The following GTSE1 variants were observed in gnomAD, a reference collection of about 807,000 sequenced individuals.
GTSE1 encodes the protein G2 and S-phase expressed 1.
GTSE1 carries 52 observed loss-of-function variants against 60.5 expected under a neutral mutation model. The ratio of observed to expected loss-of-function variants is 0.86; its 90% confidence interval spans 0.69 to 1.08. GTSE1 has a LOEUF of 1.08. Ranked by LOEUF, GTSE1 falls within the 50% of genes least tolerant of loss-of-function variation. The pLI is 0.00. For missense variants in GTSE1, 937 were observed against 961.8 expected (o/e 0.97, Z 0.34); for synonymous variants, 368 against 386.5 (o/e 0.95, Z 0.56).
chr22:46,300,003 C>T (rs1458752334), intron 2 of GTSE1, among the ~76,000 whole-genome samples: 1 of 133,954 alleles, frequency 7.5e-6, no homozygotes, highest in Non-Finnish European at 1.6e-5. Flanking sequence ...TGGGGTTTCA[C>T]TGTGTTAGCC....
Position 46,315,205 on chromosome 22 carries a change from C to G in GTSE1, c.1052-827C>G, listed in dbSNP as rs539561552. ...TCCCAAGTAGCTGGGACTACAGGCA[C>G]CTGCCACCACGCCCGGCTAATTTTT... is the stretch of plus-strand genomic sequence containing the variant. On this transcript the variant is annotated intron_variant, in intron 6 of 11. Transcript: ENST00000454366. Among the ~76,000 whole-genome samples, 4 of 152,252 alleles carry G rather than the reference C, an allele frequency of 2.6e-5. No homozygotes were observed. In the South Asian group the frequency reaches 8.3e-4, roughly 32 times the overall value.
At chr22:46,326,812 A>G (rs1659757754) in intron 9 of GTSE1, 158 bp downstream of exon 9, 5 of 575,204 alleles carry the variant, frequency 8.7e-6, no homozygotes, top group Middle Eastern at 3.4e-4. Flanking sequence ...AGAAAATGCA[A>G]TAGACATGAG....
chr22:46,326,307 C>T (rs1164901513), intron 8 of GTSE1, 129 bp from the exon 9 acceptor site: 13 of 706,446 alleles, frequency 1.8e-5, no homozygotes, highest in Admixed American at 3.4e-5. Context: ...GGAGCTCACA[C>T]GGGCTCCCTG....
Position 46,329,194 on chromosome 22 carries a change from G to A in GTSE1, c.1927-164G>A. The A allele has an allele frequency of 7.1e-6, 5 of 703,344 alleles. No homozygotes were observed. The highest frequency in any genetic ancestry group is 8.0e-4 in the Middle Eastern group (2 of 2,514). 43.6% of individuals were successfully genotyped at this position (703,344 alleles called of 1,614,324 possible). The stretch of plus-strand genomic sequence containing the variant: ...CAGGGAGGTGGGCAACAGTCAGAGA[G>A]GCACGGCCCACCCCATACAGAGCCT... On this transcript the variant is annotated intron_variant, in intron 10 of 11. Transcript: ENST00000454366. The surrounding 1 kb of genome is among the most constrained non-coding windows in gnomAD (Gnocchi z 6.4).
In GTSE1 at chr22:46,309,774, C is replaced by T. The variant is rs114118276; in HGVS notation, c.762+831C>T. ...ACTGCCCTTGACAAGGAGGTATGCC[C>T]GGCACTGCCACCCCCAACAGCTGGG... On this transcript the variant is annotated intron_variant, in intron 4 of 11. Transcript: ENST00000454366. This position sits in a 1 kb window ranked among gnomAD's most constrained non-coding sequence, Gnocchi z 6.2. 0.014 allele frequency among the ~76,000 whole-genome samples: 2,205 copies of T among 152,264 alleles called. 47 individuals carry two copies. Among genetic ancestry groups the T allele is most frequent in the African/African-American group, 0.05 (2,077 of 41,532 alleles).
intron 8 of GTSE1, among the ~76,000 whole-genome samples, chr22:46,325,443 G>A (rs940744156): frequency 2.6e-5 from 4 of 152,116 alleles, no homozygotes; most frequent in African/African-American, 7.2e-5. Flanking sequence ...TGATCCACCC[G>A]CCTCGGCCTC....
Position 46,316,724 on chromosome 22 carries a change from C to T in GTSE1, c.1432+312C>T, listed in dbSNP as rs1373325706. On this transcript the variant is annotated intron_variant, in intron 7 of 11. Coordinates refer to ENST00000454366, the MANE Select transcript of GTSE1 (RefSeq NM_016426.7). The surrounding 1 kb of genome is among the most constrained non-coding windows in gnomAD (Gnocchi z 5.0). ...GAGGTGGCTTTCTTTGCCTTTATCC[C>T]GCTGAGGGTTTCTTAAGCTTCTTTG... Among the ~76,000 whole-genome samples the T allele has an allele frequency of 2.0e-5, 3 of 152,102 alleles. No homozygotes were observed. The highest frequency in any genetic ancestry group is 2.4e-5 in the African/African-American group (1 of 41,480).
rs1318544536 is a variant in GTSE1 at position 46,308,438 on chromosome 22, G to A, written c.257G>A (p.Ser86Asn). 6.2e-7 allele frequency: 1 copy of A among 1,614,078 alleles called. No homozygotes were observed. The highest frequency in any genetic ancestry group is 8.5e-7 in the Non-Finnish European group (1 of 1,180,052). ...PEQPPLPTSE[S>N]PFAWSPLAGE... The stretch of plus-strand genomic sequence containing the variant: ...CAGCCTCCGTTGCCCACATCTGAGA[G>A]TCCCTTTGCCTGGAGCCCTCTGGCC... The change falls in exon 4 of 12, where the codon AGT becomes AAT. Residue 86 changes from serine (S) to asparagine (N), a missense_variant. By Grantham distance (46) the Ser-to-Asn change is conservative (BLOSUM62 1). Coordinates refer to ENST00000454366, the MANE Select transcript of GTSE1 (RefSeq NM_016426.7).
At chr22:46,312,638 C>CA (rs60392526) in intron 5 of GTSE1, among the ~76,000 whole-genome samples, 2,240 of 59,574 alleles carry the variant, frequency 0.038, 47 homozygotes, top group African/African-American at 0.078. Flanking sequence ...GACCCTGTCT[C>CA]AAAAAAAAAA....
chr22:46,330,357 C>T lies in GTSE1; in HGVS notation c.*227C>T, dbSNP rs1268804380. The T allele has an allele frequency of 2.2e-6, 1 of 452,534 alleles. No individual in the cohort carries two copies. The highest frequency in any genetic ancestry group is 4.0e-6 in the Non-Finnish European group (1 of 247,334). 28.0% of individuals were successfully genotyped at this position (452,534 alleles called of 1,614,324 possible). On this transcript the variant is annotated 3_prime_UTR_variant, in exon 12 of 12. Coordinates refer to ENST00000454366, the MANE Select transcript of GTSE1 (RefSeq NM_016426.7). The surrounding 1 kb of genome is among the most constrained non-coding windows in gnomAD (Gnocchi z 6.0). ...ATTAGCCGGGTGTGGTAGTGCATGCCTGTAGTCCCAGCTACTTGGGAGGCT... is the reference window on the plus strand; with the variant it reads ...ATTAGCCGGGTGTGGTAGTGCATGCTTGTAGTCCCAGCTACTTGGGAGGCT...
In GTSE1 at chr22:46,297,422, G is replaced by A. The variant is rs201868940; in HGVS notation, c.22G>A (p.Asp8Asn). 6.2e-7 allele frequency: 1 copy of A among 1,613,938 alleles called. No individual in the cohort carries two copies. The highest frequency in any genetic ancestry group is 8.5e-7 in the Non-Finnish European group (1 of 1,179,792). ...CTCCATGGAAGGAGGCGGCGGCCGC[G>A]ATGAGCCTTCAGCCTGCCGGGCAGG... is the stretch of plus-strand genomic sequence containing the variant. MEGGGGR[D>N]EPSACRAGDV... Residue 8 changes from aspartate (D) to asparagine (N), a missense_variant, in exon 2 of 12, where the codon GAT (aspartate) becomes AAT (asparagine). Asp to Asn is a conservative substitution (Grantham distance 23). Transcript: ENST00000454366. This position sits in a 1 kb window ranked among gnomAD's most constrained non-coding sequence, Gnocchi z 4.9.
chr22:46,310,446 A>C lies in GTSE1; in HGVS notation c.762+1503A>C, dbSNP rs1199295021. On this transcript the variant is annotated intron_variant, in intron 4 of 11. Coordinates refer to ENST00000454366, the MANE Select transcript of GTSE1 (RefSeq NM_016426.7). The surrounding 1 kb of genome is among the most constrained non-coding windows in gnomAD (Gnocchi z 4.4). ...AAATGTAGAGGGTCCCATGGGACCC[A>C]GCAATTCCACTCCTTAGTACACAGA... 6.6e-6 allele frequency among the ~76,000 whole-genome samples: 1 copy of C among 152,166 alleles called. No individual in the cohort carries two copies. Among genetic ancestry groups the C allele is most frequent in the Non-Finnish European group, 1.5e-5 (1 of 68,014 alleles).
At chr22:46,325,476 G>A (rs1161564884) in intron 8 of GTSE1, among the ~76,000 whole-genome samples, 3 of 152,098 alleles carry the variant, frequency 2.0e-5, no homozygotes, top group Admixed American at 6.5e-5. Flanking sequence ...GATTACAGGC[G>A]TGAGCCACCC....
At chr22:46,305,590 C>T (rs537287640) in intron 2 of GTSE1, among the ~76,000 whole-genome samples, 1 of 149,062 alleles carries the variant, frequency 6.7e-6, no homozygotes, top group East Asian at 2.0e-4. Context: ...GCCTGAGTGA[C>T]AGAGTGAGAC....
In GTSE1 at chr22:46,328,872, G is replaced by A. The variant is rs149762841; in HGVS notation, c.1909G>A (p.Asp637Asn). The change falls in exon 10 of 12, where the codon GAT becomes AAT. Residue 637 changes from aspartate (D) to asparagine (N), a missense_variant. Coordinates refer to ENST00000454366, the MANE Select transcript of GTSE1 (RefSeq NM_016426.7). ...VAREEAKPGG[D>N]AAPSEALLVD... ...TCGGGAGGAAGCCAAGCCGGGTGGA[G>A]ATGCAGCCCCTAGTGAGGTGGGCAG... The A allele has an allele frequency of 6.2e-7, 1 of 1,613,428 alleles. No individual in the cohort carries two copies. The highest frequency in any genetic ancestry group is 1.1e-5 in the South Asian group (1 of 91,072).
rs1331404982 is a variant in GTSE1, at chr22:46,304,199, C to T, written c.80-3951C>T. 6.6e-6 allele frequency among the ~76,000 whole-genome samples: 1 copy of T among 151,732 alleles called. No individual in the cohort carries two copies. Among genetic ancestry groups the T allele is most frequent in the Non-Finnish European group, 1.5e-5 (1 of 67,954 alleles). ...GTAGAGCTGGGGTCTCGCTATGTTG[C>T]GAGGGCTGGCCTTGAACCCCTGGGC... On this transcript the variant is annotated intron_variant, in intron 2 of 11. Coordinates refer to ENST00000454366, the MANE Select transcript of GTSE1 (RefSeq NM_016426.7). This position sits in a 1 kb window ranked among gnomAD's most constrained non-coding sequence, Gnocchi z 4.4.
chr22:46,327,478 C>T (rs909839432), intron 9 of GTSE1, among the ~76,000 whole-genome samples: 5 of 152,130 alleles, frequency 3.3e-5, no homozygotes, highest in Admixed American at 1.3e-4. Flanking sequence ...TCGAGACCAA[C>T]CTGGCCAACA....
Position 46,317,908 on chromosome 22 carries a change from C to G in GTSE1, c.1432+1496C>G, listed in dbSNP as rs1368574106. Reference sequence around the variant, plus strand: ...GCCCTGTGAGCTCCGCTCGTTGCTCCCTGGTAGTTGCTCTTCTCTTGACCT... The same window carrying G: ...GCCCTGTGAGCTCCGCTCGTTGCTCGCTGGTAGTTGCTCTTCTCTTGACCT... On this transcript the variant is annotated intron_variant, in intron 7 of 11. Transcript: ENST00000454366. This position sits in a 1 kb window ranked among gnomAD's most constrained non-coding sequence, Gnocchi z 5.6. Among the ~76,000 whole-genome samples the G allele has an allele frequency of 6.6e-6, 1 of 152,208 alleles. No individual in the cohort carries two copies. The highest frequency in any genetic ancestry group is 1.9e-4 in the East Asian group (1 of 5,196).
intron 7 of GTSE1, among the ~76,000 whole-genome samples, chr22:46,322,497 G>C (rs1246777782): frequency 1.3e-5 from 2 of 152,078 alleles, no homozygotes; most frequent in Non-Finnish European, 2.9e-5. Context: ...GTGCACACTG[G>C]GATTTTCAAG....
Sources: allele counts gnomAD v4.1 joint callset (sites outside exome capture counted in the v4.1 genomes callset), GRCh38; gene constraint gnomAD v4.1.1; non-coding constraint Gnocchi (gnomAD v3.1); transcripts MANE v1.5; gene names NCBI Gene and HGNC (gene_info 2026-07-23, HGNC 2026-07-21).